Variants in PTPRD observed in about 807,000 individuals in gnomAD.
PTPRD encodes protein tyrosine phosphatase receptor type D.
In PTPRD, 34 loss-of-function variants were observed where a neutral mutation model predicts 214.5. The ratio of observed to expected loss-of-function variants is 0.16; its 90% CI spans 0.12 to 0.21. The LOEUF is 0.21. PTPRD is among the 10% of genes least tolerant of loss of function. The pLI is 1.00. For missense variants in PTPRD, 2,545 were observed against 2,398.7 expected, an observed-to-expected ratio of 1.06 and a Z score of -1.27; for synonymous variants, 1,128 against 845.7, an observed-to-expected ratio of 1.33 and a Z score of -5.79.
chr9:9,918,613 C>G (rs193073535), intron 5 of PTPRD, among the ~76,000 whole-genome samples: 1 of 151,992 alleles, frequency 6.6e-6, no homozygotes, highest in South Asian at 2.1e-4. Flanking sequence ...TGAGACAAAA[C>G]AGCAAAACTG....
At chr9:10,024,687 T>A (rs1372884018) in intron 4 of PTPRD, among the ~76,000 whole-genome samples, 4 of 151,506 alleles carry the variant, frequency 2.6e-5, no homozygotes, top group Non-Finnish European at 5.9e-5. Context: ...CGTGCAGGTT[T>A]GTTACATACG....
At chr9:10,285,842 C>G (rs917376508) in intron 3 of PTPRD, among the ~76,000 whole-genome samples, 2 of 151,950 alleles carry the variant, frequency 1.3e-5, no homozygotes, top group Non-Finnish European at 2.9e-5. Context: ...ATCTCCTGAC[C>G]TCGCGATCCG....
At chr9:9,643,383 T>C (rs1000700435) in intron 7 of PTPRD, among the ~76,000 whole-genome samples, 1 of 152,082 alleles carries the variant, frequency 6.6e-6, no homozygotes, top group African/African-American at 2.4e-5. Flanking sequence ...AGGGCCTCAA[T>C]CACTAAACTC....
intron 11 of PTPRD, among the ~76,000 whole-genome samples, chr9:8,735,382 G>A (rs1035147678): frequency 2.0e-5 from 3 of 147,578 alleles, no homozygotes; most frequent in African/African-American, 2.7e-5. Flanking sequence ...GGCATCAAGT[G>A]ATCTGCCTGC....
chr9:10,495,009 G>A (rs997876031), intron 2 of PTPRD, among the ~76,000 whole-genome samples: 1 of 151,582 alleles, frequency 6.6e-6, no homozygotes, highest in Non-Finnish European at 1.5e-5. Context: ...TTTATGTCGT[G>A]CTCAAGGTAA....
chr9:10,498,385 C>A (rs539223155), intron 2 of PTPRD, among the ~76,000 whole-genome samples: 1 of 151,670 alleles, frequency 6.6e-6, no homozygotes, highest in Non-Finnish European at 1.5e-5. Context: ...TGTTTGCATA[C>A]CAAAAAAATT....
At chr9:10,393,307 G>T (rs2098107397) in intron 2 of PTPRD, among the ~76,000 whole-genome samples, 1 of 151,290 alleles carries the variant, frequency 6.6e-6, no homozygotes, top group South Asian at 2.1e-4. Flanking sequence ...GTGTGTGTTT[G>T]TGTGTGTGTG....
chr9:10,297,717 G>C (rs1339885818), intron 3 of PTPRD, among the ~76,000 whole-genome samples: 1 of 151,850 alleles, frequency 6.6e-6, no homozygotes. Flanking sequence ...CTAATTCTTG[G>C]CTCTGTACTA....
chr9:8,428,210 A>G (rs16927841), intron 35 of PTPRD, among the ~76,000 whole-genome samples: 16,325 of 152,072 alleles, frequency 0.11, 1,823 homozygotes, highest in East Asian at 0.5. Context: ...AGTGGCAGGC[A>G]GAGAGGTTTG....
chr9:9,872,138 G>A (rs1399082440), intron 5 of PTPRD, among the ~76,000 whole-genome samples: 1 of 152,088 alleles, frequency 6.6e-6, no homozygotes, highest in African/African-American at 2.4e-5. Context: ...ATCCATCAAA[G>A]TTGGCAATCA....
chr9:10,114,256 A>G (rs1432997610), intron 3 of PTPRD, among the ~76,000 whole-genome samples: 1 of 152,312 alleles, frequency 6.6e-6, no homozygotes, highest in Non-Finnish European at 1.5e-5. Context: ...GAGATAAGAC[A>G]TGAAAGCAAA....
intron 7 of PTPRD, among the ~76,000 whole-genome samples, chr9:9,721,433 C>T (rs1303750205): frequency 2.0e-5 from 3 of 151,980 alleles, no homozygotes; most frequent in African/African-American, 7.2e-5. Flanking sequence ...AAGAATATGC[C>T]ACAATAAAGC....
intron 6 of PTPRD, among the ~76,000 whole-genome samples, chr9:9,747,211 C>G (rs566511679): frequency 6.6e-6 from 1 of 151,896 alleles, no homozygotes; most frequent in South Asian, 2.1e-4. Flanking sequence ...TTGGGCTTAG[C>G]AGACCACCTG....
intron 2 of PTPRD, among the ~76,000 whole-genome samples, chr9:10,559,788 G>T (rs1396272855): frequency 1.3e-5 from 2 of 152,038 alleles, no homozygotes; most frequent in South Asian, 2.1e-4. Context: ...CATTTATGCA[G>T]CCAAAAAACA....
At chr9:9,595,574 G>A (rs1276337152) in intron 7 of PTPRD, among the ~76,000 whole-genome samples, 1 of 139,608 alleles carries the variant, frequency 7.2e-6, no homozygotes, top group Non-Finnish European at 1.6e-5. Context: ...GTGTGTGTGT[G>A]TGTATATACA....
At chr9:8,878,874 G>A (rs978383093) in intron 11 of PTPRD, among the ~76,000 whole-genome samples, 1 of 152,138 alleles carries the variant, frequency 6.6e-6, no homozygotes, top group African/African-American at 2.4e-5. Flanking sequence ...CCCTTTTGGG[G>A]TGCATAGCAT....
intron 2 of PTPRD, among the ~76,000 whole-genome samples, chr9:10,505,012 T>C (rs539490628): frequency 6.6e-5 from 10 of 152,300 alleles, no homozygotes; most frequent in Admixed American, 1.3e-4. Flanking sequence ...TCAAACACCA[T>C]GCCAATCTTA....
intron 11 of PTPRD, among the ~76,000 whole-genome samples, chr9:8,806,713 T>C (rs2096689753): frequency 1.3e-5 from 2 of 152,296 alleles, no homozygotes; most frequent in African/African-American, 4.8e-5. Context: ...GAGGTTCTGT[T>C]CTGATGTTTT....
intron 12 of PTPRD, among the ~76,000 whole-genome samples, chr9:8,725,596 C>A (rs1288146036): frequency 6.6e-6 from 1 of 152,120 alleles, no homozygotes; most frequent in African/African-American, 2.4e-5. Context: ...TTGGAAATGA[C>A]ACAAACTAAT....
Sources: allele counts gnomAD v4.1 joint callset (sites outside exome capture counted in the v4.1 genomes callset), GRCh38; gene constraint gnomAD v4.1.1; transcripts MANE v1.5; gene names NCBI Gene and HGNC (gene_info 2026-07-23, HGNC 2026-07-21).